Variants in DNAH9 observed in about 807,000 individuals in gnomAD.
DNAH9 encodes DNAH9 variant protein.
In DNAH9, 345 loss-of-function variants were observed where a neutral mutation model predicts 471.6. That is an observed-to-expected ratio of 0.73 (90% CI 0.67 to 0.80). The LOEUF (loss-of-function observed/expected upper bound fraction) is 0.80, where lower values mean the gene tolerates loss of function less well. Among genes scored for constraint, DNAH9 ranks in the 30% least tolerant of loss-of-function variants. The probability of loss-of-function intolerance (pLI) is 0.00; values close to 1 mark genes in which losing one functional copy is unlikely to be tolerated. For synonymous variants in DNAH9, 2,093 were observed against 2,123.6 expected (o/e 0.99, Z 0.40); for missense variants, 5,407 against 5,609.2 (o/e 0.96, Z 1.15).
At chr17:11,823,147 C>T (rs1287019559) in intron 48 of DNAH9, 113 bp downstream of exon 48, 1 of 863,506 alleles carries the variant, frequency 1.2e-6, no homozygotes, top group African/African-American at 1.7e-5. Context: ...GTACGGTTTT[C>T]CAGAGACTCC....
At chr17:11,781,525 T>C (rs927237320) in intron 39 of DNAH9, among the ~76,000 whole-genome samples, 1 of 152,168 alleles carries the variant, frequency 6.6e-6, no homozygotes, top group Non-Finnish European at 1.5e-5. Flanking sequence ...GCACTGGGCA[T>C]GTGCTTCAAT....
Position 11,608,115 on chromosome 17 carries a change from C to CTT in DNAH9, c.418-14_418-13insTT, listed in dbSNP as rs773854385. On this transcript the variant is annotated splice_polypyrimidine_tract_variant and intron_variant, in intron 1 of 68. Coordinates refer to ENST00000262442, the MANE Select transcript of DNAH9 (RefSeq NM_001372.4). ...GGAACACCTGCCTTTCTTTCCTGTG[C>CTT]ACCTCTGTTCCAGGTTGTTCTACCC... The CTT allele has an allele frequency of 6.4e-7, 1 of 1,557,092 alleles. No individual in the cohort carries two copies. The highest frequency in any genetic ancestry group is 2.3e-5 in the East Asian group (1 of 44,006).
intron 48 of DNAH9, among the ~76,000 whole-genome samples, chr17:11,825,053 G>A (rs1205128996): frequency 1.3e-5 from 2 of 151,972 alleles, no homozygotes; most frequent in Admixed American, 1.3e-4. Flanking sequence ...CAAATGGCAT[G>A]TGCAAATTAT....
At chr17:11,696,712 T>C (rs888090099) in intron 22 of DNAH9, among the ~76,000 whole-genome samples, 7 of 152,322 alleles carry the variant, frequency 4.6e-5, no homozygotes, top group Non-Finnish European at 8.8e-5. Context: ...TAGCAGTTCT[T>C]TTTTTCCTAT....
chr17:11,670,600 G>C (rs10521185), intron 17 of DNAH9, among the ~76,000 whole-genome samples: 26,317 of 152,034 alleles, frequency 0.17, 2,378 homozygotes, highest in African/African-American at 0.21. Context: ...TAGGCAGAAA[G>C]AAAATGGTAA....
chr17:11,732,923 G>A (rs528923193), intron 28 of DNAH9, among the ~76,000 whole-genome samples: 1 of 152,272 alleles, frequency 6.6e-6, no homozygotes, highest in South Asian at 2.1e-4. Context: ...GCAAAGACTT[G>A]GGGGCCCACC....
intron 1 of DNAH9, among the ~76,000 whole-genome samples, chr17:11,604,397 A>G (rs1033303375): frequency 2.0e-5 from 3 of 150,164 alleles, no homozygotes; most frequent in African/African-American, 4.9e-5. Flanking sequence ...ATATACACCC[A>G]TTTTCTTGGG....
intron 59 of DNAH9, among the ~76,000 whole-genome samples, chr17:11,899,177 A>AT (rs147745289): frequency 3.2e-5 from 4 of 126,236 alleles, no homozygotes; most frequent in African/African-American, 7.9e-5. Flanking sequence ...ATAGGACATG[A>AT]TTTTTTAAAA....
chr17:11,960,696 T>G (rs555510534), intron 67 of DNAH9, among the ~76,000 whole-genome samples: 3 of 151,314 alleles, frequency 2.0e-5, no homozygotes, highest in South Asian at 4.2e-4. Flanking sequence ...GAGGCGGAGG[T>G]TGCAGTGAGC....
chr17:11,654,355 C>CAAAAAAAAAAA (rs527835262), intron 14 of DNAH9, among the ~76,000 whole-genome samples: 2 of 11,260 alleles, frequency 1.8e-4, no homozygotes, highest in Non-Finnish European at 8.1e-4. Context: ...GACTCCGTCT[C>CAAAAAAAAAAA]AAAAAAAAAA....
At position 11,834,790 on chromosome 17, in the gene DNAH9, C is replaced by G. The variant is rs912924478; in HGVS notation, c.9399C>G (p.Ala3133=). Residue 3133 remains alanine (A), a synonymous_variant, in exon 49 of 69, where the codon GCC becomes GCG. Coordinates refer to ENST00000262442, the MANE Select transcript of DNAH9 (RefSeq NM_001372.4). The part of the protein sequence containing the change: ...AMADEEEQKV[A]VIMLEVKQKQ... ...CAGATGAAGAGGAGCAGAAGGTGGC[C>G]GTCATCATGCTAGAGGTGAAACAGA... 3.1e-6 allele frequency: 5 copies of G among 1,613,884 alleles called. No individual in the cohort carries two copies. In the Admixed American group the frequency reaches 8.3e-5, roughly 27 times the overall value.
intron 29 of DNAH9, among the ~76,000 whole-genome samples, chr17:11,740,454 G>A (rs1027457677): frequency 6.6e-6 from 1 of 152,168 alleles, no homozygotes; most frequent in Non-Finnish European, 1.5e-5. Context: ...CCTTCTTGCT[G>A]TATCCTCACA....
chr17:11,771,288 C>T (rs1335703811), intron 38 of DNAH9, among the ~76,000 whole-genome samples: 1 of 152,098 alleles, frequency 6.6e-6, no homozygotes, highest in Non-Finnish European at 1.5e-5. Context: ...GCCAAGACAC[C>T]CAGCTAATTT....
At chr17:11,931,316 CAT>C (rs1402962847) in intron 63 of DNAH9, among the ~76,000 whole-genome samples, 1 of 152,224 alleles carries the variant, frequency 6.6e-6, no homozygotes, top group African/African-American at 2.4e-5. Flanking sequence ...TGCCAGCTCA[CAT>C]GTGTCAGATG....
chr17:11,919,696 G>T (rs1974074282), intron 61 of DNAH9, among the ~76,000 whole-genome samples: 1 of 152,044 alleles, frequency 6.6e-6, no homozygotes, highest in African/African-American at 2.4e-5. Context: ...CAGAGTTGGG[G>T]TCTTAGAAAG....
intron 5 of DNAH9, among the ~76,000 whole-genome samples, chr17:11,618,927 T>C (rs1296066017): frequency 6.6e-6 from 1 of 152,158 alleles, no homozygotes; most frequent in Non-Finnish European, 1.5e-5. Flanking sequence ...GCCTTTCCAT[T>C]ACTCCATGTT....
chr17:11,877,809 A>G (rs1026957424), intron 53 of DNAH9, among the ~76,000 whole-genome samples: 8 of 152,114 alleles, frequency 5.3e-5, no homozygotes, highest in African/African-American at 1.9e-4. Context: ...ATCTCGGCTC[A>G]CTGCAACCTC....
Position 11,822,886 on chromosome 17 carries a change from A to G in DNAH9, c.9098A>G (p.Glu3033Gly). 2 of 1,614,260 alleles carry G rather than the reference A, an allele frequency of 1.2e-6. No individual in the cohort carries two copies. The highest frequency in any genetic ancestry group is 1.7e-6 in the Non-Finnish European group (2 of 1,180,046). The part of the protein sequence containing the change: ...NQTSQSYLSN[E>G]QRYNYTTPKS... ...ACATCCCAGTCTTATCTGAGCAATG[A>G]ACAGCGCTACAACTATACAACTCCC... The change falls in exon 48 of 69, where the codon GAA (glutamate) becomes GGA (glycine). Residue 3033 changes from glutamate (E) to glycine (G), a missense_variant. Physicochemically the swap from Glu to Gly is moderately conservative, Grantham distance 98. Transcript: ENST00000262442.
chr17:11,673,365 T>C (rs1682004783), intron 17 of DNAH9, among the ~76,000 whole-genome samples: 1 of 152,218 alleles, frequency 6.6e-6, no homozygotes, highest in South Asian at 2.1e-4. Context: ...CTGTCCTTGC[T>C]TTTCTAAATC....
Sources: gnomAD v4.1 joint callset for allele counts (sites outside exome capture counted in the v4.1 genomes callset) on GRCh38, gnomAD v4.1.1 for gene constraint, MANE v1.5 for transcripts, NCBI Gene and HGNC (gene_info 2026-07-23, HGNC 2026-07-21) for gene names.